The following TNIK variants were observed in gnomAD, a reference collection of about 807,000 sequenced individuals.
TNIK encodes TRAF2 and NCK-interacting protein kinase.
Under a neutral mutation model 191.3 loss-of-function variants are expected in TNIK, and 49 were observed. The observed-to-expected ratio is 0.26, with a 90% CI of 0.20 to 0.32. TNIK has a LOEUF of 0.32. TNIK is among the 10% of genes least tolerant of loss of function. The pLI is 1.00. For synonymous variants in TNIK, 594 were observed against 600.9 expected (o/e 0.99, Z 0.17); for missense variants, 1,155 against 1,702.3 (o/e 0.68, Z 5.66).
chr3:171,157,551 T>TGCTGCTGCTCCA lies in TNIK; in HGVS notation c.1118_1129dup (p.Leu373_Gln376dup). On this transcript the variant is annotated inframe_insertion, in exon 12 of 33. Transcript: ENST00000436636. ...CCGCTTGTGCTCCTCATTCTCCCGC[T>TGCTGCTGCTCCA]GCTGCTGCTCCAGCTGCTGCCTCCG... The TGCTGCTGCTCCA allele has an allele frequency of 1.3e-6, 2 of 1,563,850 alleles. No homozygotes were observed. The highest frequency in any genetic ancestry group is 1.2e-5 in the South Asian group (1 of 84,568).
intron 1 of TNIK, among the ~76,000 whole-genome samples, chr3:171,424,081 T>G (rs1470291744): frequency 6.6e-6 from 1 of 152,010 alleles, no homozygotes; most frequent in Non-Finnish European, 1.5e-5. Flanking sequence ...TGCAATCTAC[T>G]CATCTGACAA....
chr3:171,453,076 T>C (rs1421546572), intron 1 of TNIK, among the ~76,000 whole-genome samples: 1 of 152,168 alleles, frequency 6.6e-6, no homozygotes, highest in Non-Finnish European at 1.5e-5. Flanking sequence ...GTTTCTATAC[T>C]CTCTCTACAT....
chr3:171,074,281 T>C (rs1719608108), intron 28 of TNIK, among the ~76,000 whole-genome samples: 1 of 152,122 alleles, frequency 6.6e-6, no homozygotes, highest in Non-Finnish European at 1.5e-5. Context: ...AGTCAACACA[T>C]GTTCTCACTT....
chr3:171,420,699 A>C (rs879231665), intron 1 of TNIK, among the ~76,000 whole-genome samples: 1 of 152,214 alleles, frequency 6.6e-6, no homozygotes, highest in Admixed American at 6.6e-5. Flanking sequence ...CAATTATAAC[A>C]ATCTGCCAGC....
At chr3:171,372,511 T>C (rs1233874092) in intron 1 of TNIK, among the ~76,000 whole-genome samples, 2 of 152,200 alleles carry the variant, frequency 1.3e-5, no homozygotes, top group African/African-American at 2.4e-5. Context: ...AACTGAAATG[T>C]AGTGGTAACA....
chr3:171,343,931 C>T (rs1250206028), intron 2 of TNIK, among the ~76,000 whole-genome samples: 1 of 152,180 alleles, frequency 6.6e-6, no homozygotes, highest in Non-Finnish European at 1.5e-5. Flanking sequence ...TGACTCTGCT[C>T]AACCAATTTA....
chr3:171,346,566 A>G (rs189476358), intron 2 of TNIK, among the ~76,000 whole-genome samples: 2 of 152,256 alleles, frequency 1.3e-5, no homozygotes, highest in African/African-American at 4.8e-5. Flanking sequence ...TCTGATAAAT[A>G]TATTATTCAA....
At chr3:171,393,018 T>C (rs989184185) in intron 1 of TNIK, among the ~76,000 whole-genome samples, 3 of 152,140 alleles carry the variant, frequency 2.0e-5, no homozygotes, top group East Asian at 3.9e-4. Context: ...CAGGCATTTC[T>C]AGGAACCACT....
chr3:171,088,528 C>T (rs941351235), intron 23 of TNIK, among the ~76,000 whole-genome samples: 6 of 152,200 alleles, frequency 3.9e-5, no homozygotes, highest in South Asian at 2.1e-4. Context: ...CCACCATGCC[C>T]GGCCAAAGGT....
At position 171,345,498 on chromosome 3, in the gene TNIK, C is replaced by T. The variant is rs139376535; in HGVS notation, c.123+24122G>A. On this transcript the variant is annotated intron_variant, in intron 2 of 32. Coordinates refer to ENST00000436636, the MANE Select transcript of TNIK (RefSeq NM_015028.4). Reference sequence around the variant, plus strand: ...GGTGTTGGTAGTTAAATCTTAGGCTCACAAAGAAAGCCCTAGAAGCAGAAG... The same window carrying T: ...GGTGTTGGTAGTTAAATCTTAGGCTTACAAAGAAAGCCCTAGAAGCAGAAG... 1.9e-3 allele frequency among the ~76,000 whole-genome samples: 292 copies of T among 151,894 alleles called. 1 individual carries two copies. Among genetic ancestry groups the T allele is most frequent in the African/African-American group, 6.7e-3 (276 of 41,416 alleles).
intron 17 of TNIK, among the ~76,000 whole-genome samples, chr3:171,124,218 A>G (rs1036144587): frequency 1.3e-5 from 2 of 152,242 alleles, no homozygotes; most frequent in African/African-American, 4.8e-5. Flanking sequence ...TGGTGAGCTC[A>G]GAGAACCTAC....
chr3:171,425,875 G>T (rs1724497644), intron 1 of TNIK, among the ~76,000 whole-genome samples: 1 of 150,908 alleles, frequency 6.6e-6, no homozygotes, highest in Admixed American at 6.6e-5. Context: ...ATGTAAAAAT[G>T]CATTCTTTTT....
At chr3:171,114,100 A>G (rs1726320535) in intron 18 of TNIK, among the ~76,000 whole-genome samples, 1 of 150,696 alleles carries the variant, frequency 6.6e-6, no homozygotes, top group African/African-American at 2.4e-5. Flanking sequence ...TTTCTGTTAG[A>G]TTTACACAAT....
Position 171,200,898 on chromosome 3 carries a change from C to G in TNIK, c.307-6263G>C, listed in dbSNP as rs78016590. Among the ~76,000 whole-genome samples, 130 of 152,304 alleles carry G rather than the reference C, an allele frequency of 8.5e-4. 5 individuals carry two copies. The East Asian group carries it at 0.024, about 28-fold the overall frequency. ...GGATGTTATTTCACAATTGCAGATA[C>G]TTACCCAGAATACCCTGACAGGAAC... On this transcript the variant is annotated intron_variant, in intron 4 of 32. Coordinates refer to ENST00000436636, the MANE Select transcript of TNIK (RefSeq NM_015028.4).
intron 2 of TNIK, among the ~76,000 whole-genome samples, chr3:171,311,223 A>G (rs753759124): frequency 1.5e-4 from 23 of 152,212 alleles, no homozygotes; most frequent in Non-Finnish European, 3.2e-4. Flanking sequence ...CTCATAATAC[A>G]TGATGAGAAC....
At chr3:171,119,103 AAAAC>A (rs1233558224) in intron 18 of TNIK, among the ~76,000 whole-genome samples, 1 of 152,184 alleles carries the variant, frequency 6.6e-6, no homozygotes. Context: ...TTATAAGAAA[AAAAC>A]AACCCCATCA....
At chr3:171,437,797 C>T (rs576334221) in intron 1 of TNIK, among the ~76,000 whole-genome samples, 1 of 152,346 alleles carries the variant, frequency 6.6e-6, no homozygotes, top group South Asian at 2.1e-4. Context: ...ATCTTTCTTG[C>T]TCACATGCTT....
chr3:171,327,065 C>T (rs1225305398), intron 2 of TNIK, among the ~76,000 whole-genome samples: 1 of 152,170 alleles, frequency 6.6e-6, no homozygotes, highest in East Asian at 1.9e-4. Flanking sequence ...AAAAGCTAAG[C>T]TATCCCTGGG....
In TNIK at chr3:171,063,738, G is replaced by A; in HGVS notation, c.*143C>T. ...CATTGAAAGATGGACTGTACTGGGAGGGGCGGAGGGAGAGGAAAAAGGGAA... is the reference window on the plus strand; with the variant it reads ...CATTGAAAGATGGACTGTACTGGGAAGGGCGGAGGGAGAGGAAAAAGGGAA... On this transcript the variant is annotated 3_prime_UTR_variant, in exon 33 of 33. Transcript: ENST00000436636. 1.4e-6 allele frequency: 1 copy of A among 730,476 alleles called. No homozygotes were observed. Among genetic ancestry groups the A allele is most frequent in the South Asian group, 1.9e-5 (1 of 51,652 alleles). The allele number at this position is 730,476 out of a possible 1,614,324, so 45.2% of individuals were successfully genotyped here. A position where few individuals can be genotyped will look rare whatever the true frequency, so the allele number is the denominator to read the frequency against.
Sources: allele counts gnomAD v4.1 joint callset (sites outside exome capture counted in the v4.1 genomes callset), GRCh38; gene constraint gnomAD v4.1.1; transcripts MANE v1.5; gene names NCBI Gene and HGNC (gene_info 2026-07-23, HGNC 2026-07-21).